The following P2RY2 variants were observed in gnomAD, a reference collection of about 807,000 sequenced individuals.
P2RY2 encodes P2Y purinoceptor 2.
For synonymous variants in P2RY2, 241 were observed against 231.9 expected (o/e 1.04, Z -0.35); for missense variants, 567 against 515.7 (o/e 1.10, Z -0.96).
chr11:73,234,762 C>G lies in P2RY2; in HGVS notation c.603C>G (p.Val201=). Residue 201 remains valine (V), a synonymous_variant, in exon 3 of 3, where the codon GTC becomes GTG. Transcript: ENST00000393597. ...GCCGCTTCGTGGCCTACAGCTCAGTCATGCTGGGCCTGCTCTTCGCGGTGC... is the reference window on the plus strand; with the variant it reads ...GCCGCTTCGTGGCCTACAGCTCAGTGATGCTGGGCCTGCTCTTCGCGGTGC... ...LFSRFVAYSS[V]MLGLLFAVPF... is the part of the protein sequence containing the mutation. 1 of 1,611,470 alleles carries G rather than the reference C, an allele frequency of 6.2e-7. No homozygotes were observed. Among genetic ancestry groups the G allele is most frequent in the African/African-American group, 1.3e-5 (1 of 75,072 alleles).
chr11:73,227,175 G>T lies in P2RY2; in HGVS notation c.-199-806G>T, dbSNP rs543402932. Among the ~76,000 whole-genome samples, 5 of 152,182 alleles carry T rather than the reference G, an allele frequency of 3.3e-5. No individual in the cohort carries two copies. In the South Asian group the frequency reaches 1.0e-3, roughly 32 times the overall value. ...CTCCCACTTATAAGTGAGAACATGC[G>T]GTGTTTAGTTTTCTTATCTTGTGAT... On this transcript the variant is annotated intron_variant, in intron 1 of 2. Coordinates refer to ENST00000393597, the MANE Select transcript of P2RY2 (RefSeq NM_002564.4).
chr11:73,236,530 C>G lies in P2RY2; in HGVS notation c.*1237C>G. ...AGCTCACCGGAAGAACATCCACACA[C>G]AGGATGCATCCCAGGCAAAGACATG... On this transcript the variant is annotated 3_prime_UTR_variant, in exon 3 of 3. Coordinates refer to ENST00000393597, the MANE Select transcript of P2RY2 (RefSeq NM_002564.4). 1 of 982,088 alleles carries G rather than the reference C, an allele frequency of 1.0e-6. No individual in the cohort carries two copies. Among genetic ancestry groups the G allele is most frequent in the Non-Finnish European group, 1.2e-6 (1 of 826,970 alleles). 60.8% of individuals were successfully genotyped at this position (982,088 alleles called of 1,614,324 possible).
chr11:73,222,142 C>T (rs1360917634), intron 1 of P2RY2, among the ~76,000 whole-genome samples: 2 of 152,108 alleles, frequency 1.3e-5, no homozygotes, highest in East Asian at 1.9e-4. Context: ...GAATGAGAGG[C>T]CTGGGTGCTG....
At chr11:73,229,257 G>A (rs1456547101) in intron 2 of P2RY2, among the ~76,000 whole-genome samples, 5 of 152,154 alleles carry the variant, frequency 3.3e-5, no homozygotes. Context: ...GTGGGTTCGG[G>A]GAAGGCTTTC....
At chr11:73,224,383 T>G (rs894454597) in intron 1 of P2RY2, among the ~76,000 whole-genome samples, 1 of 152,208 alleles carries the variant, frequency 6.6e-6, no homozygotes, top group African/African-American at 2.4e-5. Context: ...ACCACCTGAC[T>G]CCTCGTCTTC....
chr11:73,234,050 G>T, intron 2 of P2RY2, 106 bp from the exon 3 acceptor site: 1 of 1,390,046 alleles, frequency 7.2e-7, no homozygotes, highest in Non-Finnish European at 9.6e-7. Flanking sequence ...TCCAGGTCCA[G>T]ATCCAAGTCA....
At chr11:73,218,607 C>G (rs967390359) in intron 1 of P2RY2, 175 bp downstream of exon 1, 3 of 152,094 alleles carry the variant, frequency 2.0e-5, no homozygotes, top group East Asian at 1.9e-4. Flanking sequence ...GGCTTGAACG[C>G]GCCTGTGGGT....
Position 73,235,563 on chromosome 11 carries a change from G to T in P2RY2, c.*270G>T, listed in dbSNP as rs140659510. Reference sequence around the variant, plus strand: ...TCAAGGTCAATGACACCCCTGGCCTGACTCCCATGCAAGTAGCTGGCTGTA... The same window carrying T: ...TCAAGGTCAATGACACCCCTGGCCTTACTCCCATGCAAGTAGCTGGCTGTA... On this transcript the variant is annotated 3_prime_UTR_variant, in exon 3 of 3. Transcript: ENST00000393597. The T allele has an allele frequency of 9.3e-6, 11 of 1,181,504 alleles. No homozygotes were observed. The East Asian group carries it at 2.5e-4, about 27-fold the overall frequency. 73.2% of individuals were successfully genotyped at this position (1,181,504 alleles called of 1,614,324 possible). A position where few individuals can be genotyped will look rare whatever the true frequency, so the allele number is the denominator to read the frequency against.
rs139659395 is a variant in P2RY2, at chr11:73,238,844, T to C, written c.*3551T>C. On this transcript the variant is annotated 3_prime_UTR_variant, in exon 3 of 3. Coordinates refer to ENST00000393597, the MANE Select transcript of P2RY2 (RefSeq NM_002564.4). Reference sequence around the variant, plus strand: ...CCTGCAGGGCAGAAGGGTCTATAAGTGGCCCCTCGCATGATTCAAGATGAC... The same window carrying C: ...CCTGCAGGGCAGAAGGGTCTATAAGCGGCCCCTCGCATGATTCAAGATGAC... 2.0e-5 allele frequency: 3 copies of C among 152,208 alleles called. No homozygotes were observed. Among genetic ancestry groups the C allele is most frequent in the Non-Finnish European group, 4.4e-5 (3 of 68,050 alleles). The allele number at this position is 152,208 out of a possible 1,614,324, so 9.4% of individuals were successfully genotyped here.
Position 73,235,397 on chromosome 11 carries a change from A to G in P2RY2, c.*104A>G. 2.0e-6 allele frequency: 3 copies of G among 1,484,340 alleles called. No individual in the cohort carries two copies. The highest frequency in any genetic ancestry group is 2.7e-6 in the Non-Finnish European group (3 of 1,117,460). The allele number at this position is 1,484,340 out of a possible 1,614,324, so 91.9% of individuals were successfully genotyped here. ...CCCAGATATGGACCATCAGTGACTC[A>G]TGCTGGATGACCCCATGCTCCGTCA... On this transcript the variant is annotated 3_prime_UTR_variant, in exon 3 of 3. Coordinates refer to ENST00000393597, the MANE Select transcript of P2RY2 (RefSeq NM_002564.4).
chr11:73,229,183 T>A (rs60483208), intron 2 of P2RY2, among the ~76,000 whole-genome samples: 11,895 of 151,540 alleles, frequency 0.078, 964 homozygotes, highest in African/African-American at 0.21. Flanking sequence ...TCCTGAGGGG[T>A]GATGGAAGGG....
chr11:73,236,163 G>A lies in P2RY2; in HGVS notation c.*870G>A, dbSNP rs756459220. The A allele has an allele frequency of 2.7e-5, 27 of 1,000,228 alleles. No individual in the cohort carries two copies. The highest frequency in any genetic ancestry group is 5.2e-4 in the Middle Eastern group (1 of 1,938). The allele number at this position is 1,000,228 out of a possible 1,614,324, so 62.0% of individuals were successfully genotyped here. On this transcript the variant is annotated 3_prime_UTR_variant, in exon 3 of 3. Transcript: ENST00000393597. ...TGTGCTGAGCACAGAGAAAAGTCAG[G>A]TGCAGTCCCAGTCCTTGAGATTTCC...
At chr11:73,221,387 G>T (rs1299449838) in intron 1 of P2RY2, among the ~76,000 whole-genome samples, 1 of 152,218 alleles carries the variant, frequency 6.6e-6, no homozygotes, top group Non-Finnish European at 1.5e-5. Context: ...CAGTCCACCT[G>T]CCAGCTTAGC....
chr11:73,231,227 G>A (rs1274032710), intron 2 of P2RY2, among the ~76,000 whole-genome samples: 1 of 152,078 alleles, frequency 6.6e-6, no homozygotes, highest in Non-Finnish European at 1.5e-5. Context: ...ATAGGAGAAA[G>A]AGAAGATCTG....
intron 1 of P2RY2, among the ~76,000 whole-genome samples, chr11:73,225,831 T>C (rs1862261500): frequency 6.6e-6 from 1 of 152,114 alleles, no homozygotes; most frequent in African/African-American, 2.4e-5. Context: ...GACAGGAAGA[T>C]GAGGGCAGGG....
intron 2 of P2RY2, among the ~76,000 whole-genome samples, chr11:73,231,074 G>A (rs1862441315): frequency 6.6e-6 from 1 of 152,172 alleles, no homozygotes; most frequent in South Asian, 2.1e-4. Context: ...GCATCTACCT[G>A]TCTCTTCTTA....
chr11:73,220,752 C>T (rs145696446), intron 1 of P2RY2, among the ~76,000 whole-genome samples: 82 of 152,256 alleles, frequency 5.4e-4, no homozygotes, highest in African/African-American at 2.0e-3. Context: ...CAGTGGGCAA[C>T]CCTCAGAAAT....
chr11:73,236,175 TC>T lies in P2RY2; in HGVS notation c.*884del. 2 of 1,000,294 alleles carry T rather than the reference TC, an allele frequency of 2.0e-6. No homozygotes were observed. Among genetic ancestry groups the T allele is most frequent in the Non-Finnish European group, 2.4e-6 (2 of 829,992 alleles). The allele number at this position is 1,000,294 out of a possible 1,614,324, so 62.0% of individuals were successfully genotyped here. ...AGAGAAAAGTCAGGTGCAGTCCCAGTCCTTGAGATTTCCCAGTTTAGGTGAT... is the reference window on the plus strand; with the variant it reads ...AGAGAAAAGTCAGGTGCAGTCCCAGTCTTGAGATTTCCCAGTTTAGGTGAT... On this transcript the variant is annotated 3_prime_UTR_variant, in exon 3 of 3. Coordinates refer to ENST00000393597, the MANE Select transcript of P2RY2 (RefSeq NM_002564.4).
intron 2 of P2RY2, among the ~76,000 whole-genome samples, chr11:73,233,697 T>C (rs1388127894): frequency 6.6e-6 from 1 of 152,250 alleles, no homozygotes; most frequent in African/African-American, 2.4e-5. Flanking sequence ...GGGTCTCACT[T>C]TGTTGCCTAG....
Sources: allele counts gnomAD v4.1 joint callset (sites outside exome capture counted in the v4.1 genomes callset), GRCh38; gene constraint gnomAD v4.1.1; transcripts MANE v1.5; gene names NCBI Gene and HGNC (gene_info 2026-07-23, HGNC 2026-07-21).